The following STT3B variants were observed in gnomAD, a reference collection of about 807,000 sequenced individuals.
STT3B encodes STT3 oligosaccharyltransferase complex catalytic subunit B, also known as dolichyl-diphosphooligosaccharide--protein glycosyltransferase subunit STT3B.
STT3B carries 29 observed loss-of-function variants against 96.8 expected under a neutral mutation model. The ratio of observed to expected loss-of-function variants is 0.30; its 90% CI spans 0.22 to 0.41. The LOEUF (loss-of-function observed/expected upper bound fraction) is 0.41, where lower values mean the gene tolerates loss of function less well. Ranked by LOEUF, STT3B falls within the 10% of genes least tolerant of loss-of-function variation. STT3B has a pLI of 1.00. For missense variants in STT3B, 640 were observed against 1,022.3 expected (o/e 0.63, Z 5.10); for synonymous variants, 367 against 360.0 (o/e 1.02, Z -0.22).
At chr3:31,597,839 TA>T (rs1698826882) in intron 4 of STT3B, among the ~76,000 whole-genome samples, 3 of 100,730 alleles carry the variant, frequency 3.0e-5, no homozygotes, top group East Asian at 2.3e-4. Context: ...TTATTATTAT[TA>T]TTATTTTTTT....
At chr3:31,627,336 A>G (rs1699559238) in intron 13 of STT3B, among the ~76,000 whole-genome samples, 1 of 152,184 alleles carries the variant, frequency 6.6e-6, no homozygotes, top group South Asian at 2.1e-4. Flanking sequence ...AATCTAACTA[A>G]TGCCTGTTGA....
chr3:31,589,117 T>G (rs1031880148), intron 3 of STT3B, among the ~76,000 whole-genome samples: 6 of 152,012 alleles, frequency 3.9e-5, no homozygotes, highest in Non-Finnish European at 5.9e-5. Context: ...TTCATGAGAG[T>G]TTGGTAGTTT....
chr3:31,560,059 C>A (rs1229123486), intron 1 of STT3B, among the ~76,000 whole-genome samples: 1 of 152,028 alleles, frequency 6.6e-6, no homozygotes, highest in Non-Finnish European at 1.5e-5. Flanking sequence ...CCTTTACTTT[C>A]AGTCTATATG....
chr3:31,538,969 G>C (rs936127784), intron 1 of STT3B, among the ~76,000 whole-genome samples: 2 of 152,102 alleles, frequency 1.3e-5, no homozygotes, highest in African/African-American at 4.8e-5. Flanking sequence ...GAATATATTA[G>C]GAGGTGAGGA....
intron 11 of STT3B, among the ~76,000 whole-genome samples, chr3:31,624,246 G>T (rs1182753888): frequency 1.3e-5 from 2 of 152,132 alleles, no homozygotes; most frequent in South Asian, 2.1e-4. Flanking sequence ...GCCCCTGCCA[G>T]CCTCTGCCTT....
chr3:31,634,363 A>C (rs1167045002), intron 15 of STT3B, among the ~76,000 whole-genome samples: 1 of 152,130 alleles, frequency 6.6e-6, no homozygotes, highest in Non-Finnish European at 1.5e-5. Flanking sequence ...GATGATATAG[A>C]CCCCAAAGGC....
At chr3:31,559,835 T>C (rs895362723) in intron 1 of STT3B, among the ~76,000 whole-genome samples, 1 of 152,170 alleles carries the variant, frequency 6.6e-6, no homozygotes, top group South Asian at 2.1e-4. Flanking sequence ...TTCCATTAAA[T>C]CTAGTAATAT....
chr3:31,543,000 A>T (rs1279824619), intron 1 of STT3B, among the ~76,000 whole-genome samples: 2 of 140,888 alleles, frequency 1.4e-5, no homozygotes, highest in African/African-American at 5.2e-5. Flanking sequence ...CGGGTGGCAG[A>T]GGTTGCAGTG....
At chr3:31,545,162 A>G (rs1429708803) in intron 1 of STT3B, among the ~76,000 whole-genome samples, 1 of 152,220 alleles carries the variant, frequency 6.6e-6, no homozygotes, top group South Asian at 2.1e-4. Flanking sequence ...AAGGCCAGTC[A>G]TAAGTCATGA....
intron 1 of STT3B, among the ~76,000 whole-genome samples, chr3:31,534,839 C>T (rs1187121198): frequency 6.6e-6 from 1 of 152,000 alleles, no homozygotes; most frequent in African/African-American, 2.4e-5. Flanking sequence ...TTTTTGTTAA[C>T]GTGCAATCAC....
At chr3:31,619,256 A>G (rs1401985197) in intron 8 of STT3B, among the ~76,000 whole-genome samples, 1 of 152,202 alleles carries the variant, frequency 6.6e-6, no homozygotes, top group Non-Finnish European at 1.5e-5. Context: ...AGTATAATGC[A>G]AATATTCTAA....
chr3:31,575,981 T>C (rs1461668753), intron 1 of STT3B, among the ~76,000 whole-genome samples: 1 of 152,128 alleles, frequency 6.6e-6, no homozygotes, highest in African/African-American at 2.4e-5. Context: ...TATGGTTTAT[T>C]CTCTTTATAT....
intron 1 of STT3B, among the ~76,000 whole-genome samples, chr3:31,552,384 T>G (rs1697583527): frequency 1.3e-5 from 2 of 152,196 alleles, no homozygotes; most frequent in African/African-American, 4.8e-5. Flanking sequence ...CTTGAACCAG[T>G]AAGAATGACC....
chr3:31,589,482 A>G (rs1182027157), intron 3 of STT3B, among the ~76,000 whole-genome samples: 2 of 151,884 alleles, frequency 1.3e-5, no homozygotes, highest in African/African-American at 4.8e-5. Flanking sequence ...TACAATGCAA[A>G]TAGGAGTGAT....
chr3:31,569,552 A>G (rs1310890108), intron 1 of STT3B, among the ~76,000 whole-genome samples: 1 of 152,192 alleles, frequency 6.6e-6, no homozygotes, highest in Admixed American at 6.5e-5. Flanking sequence ...GTAAAAGACC[A>G]TAATGAATTA....
At chr3:31,623,021 G>C (rs1285519276) in intron 10 of STT3B, among the ~76,000 whole-genome samples, 1 of 152,102 alleles carries the variant, frequency 6.6e-6, no homozygotes, top group African/African-American at 2.4e-5. Flanking sequence ...AATTCATAAA[G>C]ATGTGTGTTA....
At chr3:31,607,520 C>T (rs1049340885) in intron 5 of STT3B, among the ~76,000 whole-genome samples, 1 of 152,134 alleles carries the variant, frequency 6.6e-6, no homozygotes, top group Non-Finnish European at 1.5e-5. Flanking sequence ...TTTCATTTCT[C>T]TCTTGCATGC....
rs759885110 is a variant in STT3B at position 31,600,356 on chromosome 3, A to G, written c.778-4A>G. 1.2e-5 allele frequency: 17 copies of G among 1,422,090 alleles called. No homozygotes were observed. The highest frequency in any genetic ancestry group is 2.3e-5 in the East Asian group (1 of 43,138). 88.1% of individuals were successfully genotyped at this position (1,422,090 alleles called of 1,614,324 possible). On this transcript the variant is annotated splice_polypyrimidine_tract_variant and splice_region_variant and intron_variant, in intron 4 of 15. Coordinates refer to ENST00000295770, the MANE Select transcript of STT3B (RefSeq NM_178862.3). Reference sequence around the variant, plus strand: ...TATTTAACTTAGCACTTCTTTTCCTATAGGTCTCTGCTTGGGGTGGTTATG... The same window carrying G: ...TATTTAACTTAGCACTTCTTTTCCTGTAGGTCTCTGCTTGGGGTGGTTATG...
chr3:31,566,810 G>A (rs1352315187), intron 1 of STT3B, among the ~76,000 whole-genome samples: 1 of 152,002 alleles, frequency 6.6e-6, no homozygotes, highest in East Asian at 1.9e-4. Flanking sequence ...TAATTACCTG[G>A]TTTGTGTTTA....
Sources: gnomAD v4.1 joint callset for allele counts (sites outside exome capture counted in the v4.1 genomes callset) on GRCh38, gnomAD v4.1.1 for gene constraint, MANE v1.5 for transcripts, NCBI Gene and HGNC (gene_info 2026-07-23, HGNC 2026-07-21) for gene names.